The following PPP4R2 variants were observed in gnomAD, a reference collection of about 807,000 sequenced individuals.
PPP4R2 encodes the protein serine/threonine-protein phosphatase 4 regulatory subunit 2.
In PPP4R2, 13 loss-of-function variants were observed where a neutral mutation model predicts 47.2. The observed-to-expected ratio is 0.28, with a 90% confidence interval of 0.18 to 0.44. The LOEUF (loss-of-function observed/expected upper bound fraction) is 0.44, where lower values mean the gene tolerates loss of function less well. Ranked by LOEUF, PPP4R2 falls within the 20% of genes least tolerant of loss-of-function variation. PPP4R2 has a pLI of 1.00. For synonymous variants in PPP4R2, 151 were observed against 163.3 expected (o/e 0.92, Z 0.57); for missense variants, 421 against 491.2 (o/e 0.86, Z 1.35).
At chr3:73,064,771 A>G (rs1414586833) in intron 7 of PPP4R2, 81 bp from the exon 8 acceptor site, 11 of 1,226,048 alleles carry the variant, frequency 9.0e-6, no homozygotes, top group Non-Finnish European at 1.3e-5. Flanking sequence ...ACAATTTAAA[A>G]CATTATTTAA....
intron 2 of PPP4R2, among the ~76,000 whole-genome samples, chr3:73,037,706 A>T (rs1702293312): frequency 6.6e-6 from 1 of 152,152 alleles, no homozygotes; most frequent in Non-Finnish European, 1.5e-5. Flanking sequence ...ATATATTTCC[A>T]ATTCCTTTTT....
At chr3:73,065,248 G>C in intron 8 of PPP4R2, 107 bp downstream of exon 8, 10 of 1,327,602 alleles carry the variant, frequency 7.5e-6, no homozygotes, top group Non-Finnish European at 1.0e-5. Flanking sequence ...TTATAATGCT[G>C]ATGTTGGGCT....
intron 2 of PPP4R2, among the ~76,000 whole-genome samples, chr3:73,002,624 C>CTTTTG (rs1559544635): frequency 1.5e-5 from 1 of 67,024 alleles, no homozygotes; most frequent in African/African-American, 7.1e-5. Flanking sequence ...CTTTTCTTTT[C>CTTTTG]TTTTCTTTTC....
intron 2 of PPP4R2, among the ~76,000 whole-genome samples, chr3:73,038,368 TTC>T (rs1702306631): frequency 6.6e-6 from 1 of 152,056 alleles, no homozygotes; most frequent in Admixed American, 6.6e-5. Flanking sequence ...ACATTTTTTT[TTC>T]TTTTTGTTTT....
intron 2 of PPP4R2, among the ~76,000 whole-genome samples, chr3:73,021,242 TTTTTTTTTG>T (rs1275423416): frequency 7.8e-5 from 9 of 115,288 alleles, no homozygotes; most frequent in East Asian, 9.4e-4. Flanking sequence ...AATTTTTTTT[TTTTTTTTTG>T]TAACAGGATC....
At chr3:73,065,264 C>A in intron 8 of PPP4R2, 123 bp downstream of exon 8, 2 of 1,298,700 alleles carry the variant, frequency 1.5e-6, no homozygotes, top group Non-Finnish European at 2.1e-6. Context: ...GGGCTTTTCT[C>A]CCACCTGTAT....
intron 4 of PPP4R2, 74 bp from the exon 5 acceptor site, chr3:73,060,949 T>C (rs1019059168): frequency 9.4e-7 from 1 of 1,062,158 alleles, no homozygotes; most frequent in Admixed American, 2.6e-5. Context: ...AGAGTGATTT[T>C]AGAAACAAAA....
chr3:73,063,586 T>G, intron 5 of PPP4R2, 87 bp from the exon 6 acceptor site: 1 of 738,018 alleles, frequency 1.4e-6, no homozygotes, highest in Non-Finnish European at 2.4e-6. Flanking sequence ...ATTGCACCAC[T>G]GCACTCCATT....
intron 3 of PPP4R2, among the ~76,000 whole-genome samples, chr3:73,053,068 CT>C (rs1433873741): frequency 6.6e-6 from 1 of 152,210 alleles, no homozygotes; most frequent in Non-Finnish European, 1.5e-5. Context: ...CCGTTTATTA[CT>C]TTGTTCTCTG....
At chr3:73,005,793 T>C (rs1243407117) in intron 2 of PPP4R2, among the ~76,000 whole-genome samples, 3 of 144,240 alleles carry the variant, frequency 2.1e-5, no homozygotes, top group African/African-American at 2.7e-5. Flanking sequence ...GCTCACGTCG[T>C]TGCACTCCAG....
chr3:73,016,990 C>G (rs986916333), intron 2 of PPP4R2, among the ~76,000 whole-genome samples: 1 of 151,762 alleles, frequency 6.6e-6, no homozygotes, highest in African/African-American at 2.4e-5. Context: ...CCACATCTAG[C>G]TAATTTTTGT....
In PPP4R2 at chr3:73,006,388, G is replaced by A. The variant is rs190739060; in HGVS notation, c.116+8230G>A. 5.7e-3 allele frequency among the ~76,000 whole-genome samples: 868 copies of A among 151,828 alleles called. 4 individuals are homozygous for A. The highest frequency in any genetic ancestry group is 7.8e-3 in the Non-Finnish European group (532 of 67,936). ...TAGTTTTTGTATTTTTAGTAGAGAC[G>A]GGGTTTTACCACATGGGCCAGGCTG... is the stretch of plus-strand genomic sequence containing the variant. On this transcript the variant is annotated intron_variant, in intron 2 of 8. Coordinates refer to ENST00000356692, the MANE Select transcript of PPP4R2 (RefSeq NM_174907.4).
intron 2 of PPP4R2, among the ~76,000 whole-genome samples, chr3:73,019,804 A>C (rs993745760): frequency 6.6e-6 from 1 of 152,150 alleles, no homozygotes; most frequent in Non-Finnish European, 1.5e-5. Context: ...CCCAATTTCC[A>C]TATGTCCAGA....
At chr3:73,041,788 G>A (rs1289602573) in intron 2 of PPP4R2, among the ~76,000 whole-genome samples, 5 of 152,208 alleles carry the variant, frequency 3.3e-5, no homozygotes, top group Non-Finnish European at 7.3e-5. Context: ...TTGGCCGCTG[G>A]CCACTAAATT....
intron 2 of PPP4R2, among the ~76,000 whole-genome samples, chr3:73,041,467 G>C (rs1285480623): frequency 6.6e-6 from 1 of 152,138 alleles, no homozygotes; most frequent in Non-Finnish European, 1.5e-5. Flanking sequence ...AATTAAGACT[G>C]AATTATTTGA....
At chr3:73,039,337 G>A (rs9869747) in intron 2 of PPP4R2, among the ~76,000 whole-genome samples, 66,047 of 151,440 alleles carry the variant, frequency 0.44, 14,552 homozygotes, top group South Asian at 0.54. Flanking sequence ...TGGCTAGGCT[G>A]GTCTCAAACT....
At chr3:73,028,545 A>G (rs933924750) in intron 2 of PPP4R2, among the ~76,000 whole-genome samples, 10 of 151,708 alleles carry the variant, frequency 6.6e-5, no homozygotes, top group Admixed American at 3.3e-4. Flanking sequence ...GTTTCAAGCA[A>G]TTCCCCTGCC....
At chr3:73,032,716 C>G (rs963168076) in intron 2 of PPP4R2, among the ~76,000 whole-genome samples, 1 of 152,122 alleles carries the variant, frequency 6.6e-6, no homozygotes. Context: ...CTTTTACGTA[C>G]TCCTTCTCCA....
chr3:73,056,400 G>A (rs773465296), intron 3 of PPP4R2, among the ~76,000 whole-genome samples: 11 of 152,168 alleles, frequency 7.2e-5, no homozygotes, highest in Non-Finnish European at 1.5e-4. Context: ...TTATATTTAT[G>A]GAATAAGTTT....
Sources: allele counts gnomAD v4.1 joint callset (sites outside exome capture counted in the v4.1 genomes callset), GRCh38; gene constraint gnomAD v4.1.1; transcripts MANE v1.5; gene names NCBI Gene and HGNC (gene_info 2026-07-23, HGNC 2026-07-21).